Variants in KIF26B observed in about 807,000 individuals in gnomAD.
KIF26B encodes the protein kinesin-like protein KIF26B.
A neutral mutation model predicts 151.2 loss-of-function variants in KIF26B; 63 were observed. That is an observed-to-expected ratio of 0.42 (90% CI 0.34 to 0.51). The LOEUF is 0.51. Among genes scored for constraint, KIF26B ranks in the 20% least tolerant of loss-of-function variants. The pLI, the probability that KIF26B is intolerant of heterozygous loss-of-function variation, is 0.07. For synonymous variants in KIF26B, 1,357 were observed against 1,262.1 expected (o/e 1.08, Z -1.59); for missense variants, 2,813 against 2,913.6 (o/e 0.97, Z 0.79).
intron 10 of KIF26B, among the ~76,000 whole-genome samples, chr1:245,673,422 C>G (rs1394746799): frequency 6.7e-6 from 1 of 148,702 alleles, no homozygotes; most frequent in African/African-American, 2.5e-5. Flanking sequence ...GCGCTGCCAT[C>G]TTAGGCCCAG....
chr1:245,444,687 A>G (rs2103049577), intron 4 of KIF26B, among the ~76,000 whole-genome samples: 1 of 152,302 alleles, frequency 6.6e-6, no homozygotes, highest in Non-Finnish European at 1.5e-5. Context: ...ATATAATAGG[A>G]CAAGGCAGAC....
intron 10 of KIF26B, among the ~76,000 whole-genome samples, 179 bp from the exon 11 acceptor site, chr1:245,684,054 C>T (rs116384676): frequency 0.019 from 2,896 of 152,316 alleles, 35 homozygotes; most frequent in Middle Eastern, 0.051. Context: ...AGCACTTGCT[C>T]GGTGCTTGCC....
chr1:245,589,830 G>A (rs2043266779), intron 5 of KIF26B, among the ~76,000 whole-genome samples: 2 of 152,200 alleles, frequency 1.3e-5, no homozygotes, highest in Admixed American at 1.3e-4. Context: ...ATTCTCAGAA[G>A]TGGAGAGACT....
At chr1:245,436,161 A>G (rs918044712) in intron 4 of KIF26B, among the ~76,000 whole-genome samples, 7 of 150,342 alleles carry the variant, frequency 4.7e-5, no homozygotes, top group African/African-American at 1.5e-4. Flanking sequence ...TGGGCGACAG[A>G]GTGAGACTCT....
chr1:245,692,254 G>A (rs1266939121), intron 12 of KIF26B, among the ~76,000 whole-genome samples: 1 of 152,122 alleles, frequency 6.6e-6, no homozygotes, highest in East Asian at 1.9e-4. Flanking sequence ...CAGGGGACAA[G>A]GCCACTGTAA....
chr1:245,477,760 A>G (rs867427112), intron 4 of KIF26B, among the ~76,000 whole-genome samples: 2 of 151,794 alleles, frequency 1.3e-5, no homozygotes, highest in African/African-American at 4.8e-5. Context: ...AAAGAGACCG[A>G]ATGGTAGCAG....
intron 4 of KIF26B, among the ~76,000 whole-genome samples, chr1:245,500,119 C>T (rs571556918): frequency 1.1e-4 from 16 of 152,296 alleles, no homozygotes; most frequent in Non-Finnish European, 2.1e-4. Context: ...GTCTAAGCCC[C>T]CAAGTGTACA....
chr1:245,675,260 G>T (rs1445413801), intron 10 of KIF26B, among the ~76,000 whole-genome samples: 1 of 152,096 alleles, frequency 6.6e-6, no homozygotes. Flanking sequence ...TTGTTACTGT[G>T]GTTTCATTAC....
chr1:245,417,773 T>C (rs1037428228), intron 3 of KIF26B, among the ~76,000 whole-genome samples: 34 of 152,234 alleles, frequency 2.2e-4, no homozygotes, highest in Admixed American at 5.2e-4. Flanking sequence ...TGTGCCTCTG[T>C]GTCAGGCATC....
At position 245,650,013 on chromosome 1, in the gene KIF26B, CA is replaced by C. The variant is rs139535791; in HGVS notation, c.2258+3734del. ...GTTTCCAACCTCAGCCATTACACAGCACAGGCACATTACATGGCACAGGCTT... is the reference window on the plus strand; with the variant it reads ...GTTTCCAACCTCAGCCATTACACAGCCAGGCACATTACATGGCACAGGCTT... On this transcript the variant is annotated intron_variant, in intron 10 of 14. Coordinates refer to ENST00000407071, the MANE Select transcript of KIF26B (RefSeq NM_018012.4). Among the ~76,000 whole-genome samples the C allele has an allele frequency of 1.5e-3, 236 of 152,334 alleles. 1 individual carries two copies. In the East Asian group the frequency reaches 0.034, roughly 22 times the overall value.
intron 2 of KIF26B, among the ~76,000 whole-genome samples, chr1:245,263,275 C>T (rs998359557): frequency 2.6e-5 from 4 of 152,160 alleles, no homozygotes; most frequent in African/African-American, 9.7e-5. Flanking sequence ...TGTTTCTTTA[C>T]GCAGGGGTTC....
chr1:245,472,180 C>A (rs945066632), intron 4 of KIF26B, among the ~76,000 whole-genome samples: 1 of 152,164 alleles, frequency 6.6e-6, no homozygotes, highest in Non-Finnish European at 1.5e-5. Context: ...ACCAGCCAGG[C>A]AAAGATCTAG....
chr1:245,416,719 A>G (rs1005525086), intron 3 of KIF26B, among the ~76,000 whole-genome samples: 12 of 152,218 alleles, frequency 7.9e-5, no homozygotes, highest in Non-Finnish European at 1.6e-4. Context: ...CAAAGGCCCC[A>G]CGGCAGAAGG....
At position 245,330,031 on chromosome 1, in the gene KIF26B, C is replaced by T. The variant is rs147954138; in HGVS notation, c.466-36803C>T. On this transcript the variant is annotated intron_variant, in intron 2 of 14. Transcript: ENST00000407071. ...TATGTTGCCCAGGCTGATCTTGAAC[C>T]TCTGGGCTCAACCGATCTGAAGTGC... Among the ~76,000 whole-genome samples the T allele has an allele frequency of 4.0e-3, 610 of 152,104 alleles. 5 individuals carry two copies. The highest frequency in any genetic ancestry group is 0.014 in the African/African-American group (574 of 41,524).
chr1:245,433,483 G>A (rs147143014), intron 4 of KIF26B, among the ~76,000 whole-genome samples: 13,573 of 146,410 alleles, frequency 0.093, 715 homozygotes, highest in South Asian at 0.15. Context: ...AAAAAAAGAA[G>A]AAGAAGAAGA....
chr1:245,252,889 C>G (rs750662356), intron 2 of KIF26B, among the ~76,000 whole-genome samples: 112 of 152,014 alleles, frequency 7.4e-4, no homozygotes, highest in South Asian at 1.2e-3. Context: ...GGTACACATG[C>G]TTTATCAAGG....
chr1:245,245,359 G>A (rs1013205112), intron 2 of KIF26B, among the ~76,000 whole-genome samples: 2 of 152,164 alleles, frequency 1.3e-5, no homozygotes, highest in Non-Finnish European at 2.9e-5. Context: ...TGAGAATGCC[G>A]AGTCTTGCTG....
rs2103552886 is a variant in KIF26B, at chr1:245,227,941, G to A, written c.465+71258G>A. Reference sequence around the variant, plus strand: ...CGCTTGAACCCGGGAGGCGGAGGTTGCAGTGAGCTCAGGTTGCGCCTCTGC... The same window carrying A: ...CGCTTGAACCCGGGAGGCGGAGGTTACAGTGAGCTCAGGTTGCGCCTCTGC... On this transcript the variant is annotated intron_variant, in intron 2 of 14. Transcript: ENST00000407071. The surrounding 1 kb of genome is among the most constrained non-coding windows in gnomAD (Gnocchi z 4.1). Among the ~76,000 whole-genome samples the A allele has an allele frequency of 6.6e-6, 1 of 152,330 alleles. No individual in the cohort carries two copies. Among genetic ancestry groups the A allele is most frequent in the South Asian group, 2.1e-4 (1 of 4,828 alleles).
rs114117225 is a variant in KIF26B at position 245,624,048 on chromosome 1, G to A, written c.2098+12072G>A. Among the ~76,000 whole-genome samples, 868 of 152,182 alleles carry A rather than the reference G, an allele frequency of 5.7e-3. 7 individuals are homozygous for A. The highest frequency in any genetic ancestry group is 0.02 in the African/African-American group (825 of 41,488). On this transcript the variant is annotated intron_variant, in intron 9 of 14. Coordinates refer to ENST00000407071, the MANE Select transcript of KIF26B (RefSeq NM_018012.4). ...AGTTATGAGATCCGGTGGTTTAAGA[G>A]TGTGTGGTACTCTCCCCCCTGCTCA...
Sources: gnomAD v4.1 joint callset for allele counts (sites outside exome capture counted in the v4.1 genomes callset) on GRCh38, gnomAD v4.1.1 for gene constraint, Gnocchi (gnomAD v3.1) non-coding constraint, MANE v1.5 for transcripts, NCBI Gene and HGNC (gene_info 2026-07-23, HGNC 2026-07-21) for gene names.